BMP6: variants seen among roughly 807,000 people sequenced by gnomAD.
BMP6 encodes bone morphogenetic protein 6, also known as VG-1-R.
In BMP6, 17 loss-of-function variants were observed where a neutral mutation model predicts 54.1. That is an observed-to-expected ratio of 0.31 (90% CI 0.22 to 0.47). BMP6 has a LOEUF of 0.47. BMP6 is among the 20% of genes least tolerant of loss of function. The pLI is 1.00. For missense variants in BMP6, 720 were observed against 690.4 expected (o/e 1.04, Z -0.48); for synonymous variants, 328 against 291.2 (o/e 1.13, Z -1.28).
intron 1 of BMP6, among the ~76,000 whole-genome samples, chr6:7,752,927 CACCT>C (rs890916944): frequency 1.3e-5 from 2 of 152,226 alleles, no homozygotes; most frequent in Non-Finnish European, 1.5e-5. Flanking sequence ...TAAACACCTA[CACCT>C]AGCCTCCAGG....
chr6:7,838,762 GAAACCTC>G (rs1448119675), intron 1 of BMP6, among the ~76,000 whole-genome samples: 1 of 152,090 alleles, frequency 6.6e-6, no homozygotes, highest in Admixed American at 6.5e-5. Flanking sequence ...CTAATACGGT[GAAACCTC>G]GTCTCTACTA....
intron 1 of BMP6, among the ~76,000 whole-genome samples, chr6:7,763,796 G>A (rs771084648): frequency 1.3e-5 from 2 of 152,212 alleles, no homozygotes; most frequent in African/African-American, 2.4e-5. Flanking sequence ...TCTATAGAAT[G>A]TGGAGCAAAT....
chr6:7,775,797 A>G (rs1757853957), intron 1 of BMP6, among the ~76,000 whole-genome samples: 1 of 152,234 alleles, frequency 6.6e-6, no homozygotes, highest in South Asian at 2.1e-4. Context: ...GTTCTTCATC[A>G]ACTCCAATGA....
intron 4 of BMP6, among the ~76,000 whole-genome samples, chr6:7,864,806 G>A (rs1759393846): frequency 6.6e-6 from 1 of 152,150 alleles, no homozygotes; most frequent in African/African-American, 2.4e-5. Flanking sequence ...TGGGGTTTTT[G>A]AAAAAGAGAA....
At chr6:7,772,051 CAA>C (rs68086058) in intron 1 of BMP6, among the ~76,000 whole-genome samples, 1 of 141,288 alleles carries the variant, frequency 7.1e-6, no homozygotes, top group African/African-American at 2.7e-5. Flanking sequence ...AAGCCTGCCT[CAA>C]AAAAAAAAAC....
chr6:7,807,773 A>G (rs1289197542), intron 1 of BMP6, among the ~76,000 whole-genome samples: 1 of 152,086 alleles, frequency 6.6e-6, no homozygotes, highest in Non-Finnish European at 1.5e-5. Flanking sequence ...AAACTACCCA[A>G]AGAGGAATGG....
intron 1 of BMP6, among the ~76,000 whole-genome samples, chr6:7,827,267 A>G (rs1459237792): frequency 2.0e-5 from 3 of 152,178 alleles, no homozygotes; most frequent in Non-Finnish European, 1.5e-5. Flanking sequence ...GGAAAACAGC[A>G]CGTTAAGTGA....
intron 1 of BMP6, among the ~76,000 whole-genome samples, chr6:7,840,332 A>G (rs1758949567): frequency 6.6e-6 from 1 of 152,224 alleles, no homozygotes; most frequent in Admixed American, 6.5e-5. Context: ...GCAGTTGAAG[A>G]GGATCAGGAA....
At position 7,730,021 on chromosome 6, in the gene BMP6, C is replaced by T. The variant is rs79135405; in HGVS notation, c.664+2402C>T. Among the ~76,000 whole-genome samples the T allele has an allele frequency of 0.011, 1,747 of 152,290 alleles. 78 individuals are homozygous for T. In the East Asian group the frequency reaches 0.14, roughly 12 times the overall value. ...ATGCCCAGCAGTGTCATTGTTTTGT[C>T]AAGATCTCAGGTGATGTCAGTGTTT... On this transcript the variant is annotated intron_variant, in intron 1 of 6. Coordinates refer to ENST00000283147, the MANE Select transcript of BMP6 (RefSeq NM_001718.6).
chr6:7,790,798 A>G (rs1758090896), intron 1 of BMP6, among the ~76,000 whole-genome samples: 1 of 152,060 alleles, frequency 6.6e-6, no homozygotes, highest in Non-Finnish European at 1.5e-5. Flanking sequence ...ATGGCCCAAT[A>G]CTCCTTCTTG....
chr6:7,784,170 T>C (rs1341222303), intron 1 of BMP6, among the ~76,000 whole-genome samples: 1 of 152,238 alleles, frequency 6.6e-6, no homozygotes, highest in Non-Finnish European at 1.5e-5. Flanking sequence ...GCTTACTCTG[T>C]ATTTCACATA....
intron 1 of BMP6, among the ~76,000 whole-genome samples, chr6:7,737,064 T>G (rs1197942898): frequency 1.3e-5 from 2 of 151,946 alleles, no homozygotes; most frequent in Non-Finnish European, 2.9e-5. Flanking sequence ...AGCACACCTG[T>G]AATCCCAGCT....
intron 4 of BMP6, among the ~76,000 whole-genome samples, chr6:7,875,715 A>G (rs1304545826): frequency 1.3e-5 from 2 of 152,230 alleles, no homozygotes; most frequent in African/African-American, 2.4e-5. Context: ...AGTCCAATCA[A>G]GTTGACACAA....
chr6:7,852,729 G>A (rs1759164815), intron 2 of BMP6, among the ~76,000 whole-genome samples: 1 of 152,110 alleles, frequency 6.6e-6, no homozygotes, highest in Non-Finnish European at 1.5e-5. Context: ...CTTTGCTTTT[G>A]AGCCTCTAAA....
chr6:7,777,968 C>T (rs1225304624), intron 1 of BMP6, among the ~76,000 whole-genome samples: 1 of 152,058 alleles, frequency 6.6e-6, no homozygotes, highest in Non-Finnish European at 1.5e-5. Context: ...CCCCCTTTCC[C>T]AAAATGAGTG....
intron 2 of BMP6, among the ~76,000 whole-genome samples, chr6:7,852,240 A>G (rs936967423): frequency 3.9e-5 from 6 of 152,308 alleles, no homozygotes; most frequent in Admixed American, 2.6e-4. Flanking sequence ...TTATCTGTTT[A>G]TGGTTTTCCC....
At chr6:7,785,747 A>G (rs1004504286) in intron 1 of BMP6, among the ~76,000 whole-genome samples, 12 of 152,224 alleles carry the variant, frequency 7.9e-5, no homozygotes, top group African/African-American at 2.7e-4. Flanking sequence ...AAACACTTGT[A>G]CATAAAACAG....
At chr6:7,822,897 TTGTGTGTGTGTGTGTG>T (rs56161444) in intron 1 of BMP6, among the ~76,000 whole-genome samples, 38 of 121,354 alleles carry the variant, frequency 3.1e-4, no homozygotes, top group East Asian at 8.7e-4. Flanking sequence ...TTGGTGCTGG[TTGTGTGTGTGTGTGTG>T]TGTGTGTGTG....
chr6:7,839,746 T>C (rs556302100), intron 1 of BMP6, among the ~76,000 whole-genome samples: 7 of 152,370 alleles, frequency 4.6e-5, no homozygotes, highest in South Asian at 2.1e-4. Context: ...TTTTGGCTAT[T>C]GTGAATAATG....
Sources: allele counts gnomAD v4.1 joint callset (sites outside exome capture counted in the v4.1 genomes callset), GRCh38; gene constraint gnomAD v4.1.1; transcripts MANE v1.5; gene names NCBI Gene and HGNC (gene_info 2026-07-23, HGNC 2026-07-21).